Variants in PDE4D observed in about 807,000 individuals in gnomAD.
The protein encoded by PDE4D is phosphodiesterase 4D.
PDE4D carries 24 observed loss-of-function variants against 87.4 expected under a neutral mutation model. The ratio of observed to expected loss-of-function variants is 0.27; its 90% CI spans 0.20 to 0.39. PDE4D has a LOEUF of 0.39. Among genes scored for constraint, PDE4D ranks in the 10% least tolerant of loss-of-function variants. PDE4D has a pLI of 1.00. For missense variants in PDE4D, 714 were observed against 1,041.0 expected (o/e 0.69, Z 4.32); for synonymous variants, 384 against 383.2 (o/e 1.00, Z -0.02).
intron 6 of PDE4D, among the ~76,000 whole-genome samples, chr5:59,033,582 C>T (rs1757973382): frequency 6.6e-6 from 1 of 152,168 alleles, no homozygotes; most frequent in African/African-American, 2.4e-5. Context: ...GTATTTATAT[C>T]TTAAGTGATA....
chr5:59,388,169 A>C (rs916933122), intron 1 of PDE4D, among the ~76,000 whole-genome samples: 5 of 152,166 alleles, frequency 3.3e-5, no homozygotes, highest in African/African-American at 1.2e-4. Flanking sequence ...ATGAAAACAA[A>C]TAACTTGATT....
intron 1 of PDE4D, among the ~76,000 whole-genome samples, chr5:59,569,424 C>A (rs987909964): frequency 1.3e-5 from 2 of 152,094 alleles, no homozygotes; most frequent in East Asian, 1.9e-4. Flanking sequence ...TACAAAAAAA[C>A]CACAAGGCAA....
chr5:59,551,082 G>A (rs531344020), intron 1 of PDE4D, among the ~76,000 whole-genome samples: 51 of 151,886 alleles, frequency 3.4e-4, no homozygotes, highest in African/African-American at 1.1e-3. Context: ...TTGCCTTTAC[G>A]TTTTCTTTAT....
At chr5:60,512,443 T>C (rs1415277284) in intron 1 of PDE4D, among the ~76,000 whole-genome samples, 1 of 152,168 alleles carries the variant, frequency 6.6e-6, no homozygotes, top group East Asian at 1.9e-4. Flanking sequence ...CTGCATTCAA[T>C]CTGCAGATGT....
At chr5:59,002,568 G>A (rs1253512184) in intron 6 of PDE4D, among the ~76,000 whole-genome samples, 1 of 151,956 alleles carries the variant, frequency 6.6e-6, no homozygotes, top group Non-Finnish European at 1.5e-5. Context: ...AAGAGAGAAA[G>A]CGCAAGAGAG....
intron 1 of PDE4D, among the ~76,000 whole-genome samples, chr5:59,771,491 G>GAAGAAAGAAAGAAAGAAAGAAAGAA (rs1157332011): frequency 2.6e-5 from 1 of 38,804 alleles, no homozygotes; most frequent in African/African-American, 7.4e-5. Context: ...GAAAGAGAGA[G>GAAGAAAGAAAGAAAGAAAGAAAGAA]AGAGAGAGAA....
At chr5:60,286,685 A>G (rs1752448466) in intron 1 of PDE4D, among the ~76,000 whole-genome samples, 1 of 152,182 alleles carries the variant, frequency 6.6e-6, no homozygotes, top group Non-Finnish European at 1.5e-5. Flanking sequence ...AAATCGTTTA[A>G]AAGGTAATTC....
intron 1 of PDE4D, among the ~76,000 whole-genome samples, chr5:60,188,882 T>C (rs16877738): frequency 0.073 from 11,171 of 152,220 alleles, 907 homozygotes; most frequent in African/African-American, 0.2. Context: ...TTGCTGCCAA[T>C]AGCATGAACC....
chr5:60,035,027 G>A (rs1007717061), intron 2 of PDE4D, among the ~76,000 whole-genome samples: 7 of 152,064 alleles, frequency 4.6e-5, no homozygotes, highest in Admixed American at 1.3e-4. Context: ...AGGCTGAGGC[G>A]GGAGGATCAC....
intron 5 of PDE4D, among the ~76,000 whole-genome samples, chr5:59,051,243 C>T (rs372405613): frequency 6.6e-6 from 1 of 152,164 alleles, no homozygotes; most frequent in Non-Finnish European, 1.5e-5. Context: ...GTGTGTGGCA[C>T]ATGTCTGTAG....
intron 2 of PDE4D, chr5:59,193,753 C>T: frequency 2.0e-6 from 2 of 985,400 alleles, no homozygotes; most frequent in East Asian, 1.1e-4. Context: ...AAAAGAGGGG[C>T]TTCTTGATCA....
At chr5:60,031,664 C>T (rs540533471) in intron 2 of PDE4D, among the ~76,000 whole-genome samples, 11 of 152,160 alleles carry the variant, frequency 7.2e-5, no homozygotes, top group African/African-American at 2.6e-4. Flanking sequence ...AAGTTTTTTA[C>T]TGGAATTCCA....
chr5:58,999,853 A>C, intron 6 of PDE4D: 1 of 988,340 alleles, frequency 1.0e-6, no homozygotes, highest in South Asian at 4.7e-5. Flanking sequence ...CCCGAGCTCC[A>C]GGGCTTAATG....
intron 2 of PDE4D, among the ~76,000 whole-genome samples, chr5:60,022,165 C>T (rs1358500053): frequency 7.9e-6 from 1 of 126,314 alleles, no homozygotes; most frequent in Non-Finnish European, 1.7e-5. Flanking sequence ...CTGGATAGGA[C>T]AGTTTTAAAG....
intron 1 of PDE4D, among the ~76,000 whole-genome samples, chr5:60,442,140 C>T (rs575271157): frequency 5.9e-5 from 9 of 152,102 alleles, no homozygotes; most frequent in East Asian, 3.9e-4. Flanking sequence ...CACATGCACG[C>T]GTATGTTTAT....
intron 1 of PDE4D, among the ~76,000 whole-genome samples, chr5:59,712,382 T>C (rs1196380468): frequency 1.6e-5 from 2 of 125,046 alleles, no homozygotes; most frequent in Admixed American, 2.0e-4. Context: ...AGAATAAAGG[T>C]TAATATTATT....
intron 2 of PDE4D, among the ~76,000 whole-genome samples, chr5:59,195,470 G>A (rs1745267664): frequency 6.6e-6 from 1 of 152,168 alleles, no homozygotes; most frequent in Admixed American, 6.5e-5. Context: ...CGAGAAGCTC[G>A]GTGATTCTAG....
intron 1 of PDE4D, among the ~76,000 whole-genome samples, chr5:60,421,409 G>A (rs185285020): frequency 3.9e-4 from 59 of 152,326 alleles, no homozygotes; most frequent in Non-Finnish European, 6.0e-4. Context: ...AGGATCTGGA[G>A]TGGACCTCCA....
chr5:59,393,408 T>C (rs1788641530), intron 1 of PDE4D, among the ~76,000 whole-genome samples: 1 of 152,176 alleles, frequency 6.6e-6, no homozygotes, highest in Non-Finnish European at 1.5e-5. Flanking sequence ...ATTGGTCAAG[T>C]GGTTGGAGTG....
Sources: gnomAD v4.1 joint callset for allele counts (sites outside exome capture counted in the v4.1 genomes callset) on GRCh38, gnomAD v4.1.1 for gene constraint, MANE v1.5 for transcripts, NCBI Gene and HGNC (gene_info 2026-07-23, HGNC 2026-07-21) for gene names.